Variants in ARHGEF38 observed in about 807,000 individuals in gnomAD.
ARHGEF38 encodes the protein Rho guanine nucleotide exchange factor (GEF) 38.
A neutral mutation model predicts 79.9 loss-of-function variants in ARHGEF38; 79 were observed. The ratio of observed to expected loss-of-function variants is 0.99; its 90% CI spans 0.82 to 1.19. The LOEUF (loss-of-function observed/expected upper bound fraction) is 1.19, where lower values mean the gene tolerates loss of function less well. Ranked by LOEUF, ARHGEF38 falls within the 50% of genes most tolerant of loss-of-function variation. The pLI, the probability that ARHGEF38 is intolerant of heterozygous loss-of-function variation, is 0.00. For synonymous variants in ARHGEF38, 366 were observed against 328.3 expected (o/e 1.11, Z -1.24); for missense variants, 962 against 907.2 (o/e 1.06, Z -0.78).
chr4:105,653,225 A>G (rs1027141355), intron 7 of ARHGEF38, among the ~76,000 whole-genome samples: 1 of 152,192 alleles, frequency 6.6e-6, no homozygotes. Context: ...TACATGTGAC[A>G]CTATCTTAAG....
At chr4:105,574,070 T>C (rs953735530) in intron 1 of ARHGEF38, among the ~76,000 whole-genome samples, 2 of 152,228 alleles carry the variant, frequency 1.3e-5, no homozygotes, top group Non-Finnish European at 1.5e-5. Context: ...TGACTTTATA[T>C]TCTGCTACTT....
intron 6 of ARHGEF38, among the ~76,000 whole-genome samples, chr4:105,647,356 T>A (rs1012054795): frequency 1.3e-5 from 2 of 152,212 alleles, no homozygotes; most frequent in Admixed American, 1.3e-4. Context: ...TAGTTTGTTT[T>A]TTTAAAAACT....
intron 3 of ARHGEF38, among the ~76,000 whole-genome samples, chr4:105,624,453 A>G (rs902957359): frequency 6.6e-6 from 1 of 152,148 alleles, no homozygotes; most frequent in Admixed American, 6.5e-5. Flanking sequence ...ACTTGTTTTA[A>G]TCCCATGGCT....
Position 105,565,408 on chromosome 4 carries a change from G to A in ARHGEF38, c.196+12447G>A, listed in dbSNP as rs576179541. Among the ~76,000 whole-genome samples the A allele has an allele frequency of 3.3e-5, 5 of 152,296 alleles. No individual in the cohort carries two copies. In the South Asian group the frequency reaches 8.3e-4, roughly 25 times the overall value. ...GATAAAAGATTTTACTGTGTGAAAC[G>A]TATGTTGGTAGGGCTCGACGCAATG... On this transcript the variant is annotated intron_variant, in intron 1 of 13. Coordinates refer to ENST00000420470, the MANE Select transcript of ARHGEF38 (RefSeq NM_001242729.2).
intron 2 of ARHGEF38, among the ~76,000 whole-genome samples, chr4:105,605,134 C>A (rs1727986108): frequency 6.6e-6 from 1 of 152,122 alleles, no homozygotes; most frequent in African/African-American, 2.4e-5. Flanking sequence ...TGAGTAACTT[C>A]TTTTCTGCCT....
chr4:105,572,134 G>T (rs972074132), intron 1 of ARHGEF38, among the ~76,000 whole-genome samples: 4 of 152,068 alleles, frequency 2.6e-5, no homozygotes, highest in African/African-American at 9.7e-5. Flanking sequence ...ACTCACAGAA[G>T]ACTTTTTTTT....
rs562525963 is a variant in ARHGEF38, at chr4:105,618,053, CA to C, written c.508+4551del. ...TGAAAGAAAACAATTCAAATGGAAG[CA>C]AAAAGATAATGCCTATAAAAATATT... is the stretch of plus-strand genomic sequence containing the variant. On this transcript the variant is annotated intron_variant, in intron 3 of 13. Coordinates refer to ENST00000420470, the MANE Select transcript of ARHGEF38 (RefSeq NM_001242729.2). Among the ~76,000 whole-genome samples, 668 of 151,996 alleles carry C rather than the reference CA, an allele frequency of 4.4e-3. 9 individuals are homozygous for C. The highest frequency in any genetic ancestry group is 0.015 in the African/African-American group (626 of 41,476).
chr4:105,659,514 C>T (rs547033555), intron 10 of ARHGEF38, 149 bp downstream of exon 10: 25 of 839,274 alleles, frequency 3.0e-5, no homozygotes, highest in South Asian at 1.9e-4. Flanking sequence ...CAGATAGTCT[C>T]CTGTTCCTTA....
downstream of ARHGEF38, among the ~76,000 whole-genome samples, chr4:105,681,609 GT>G (rs1731312965): frequency 6.6e-6 from 1 of 152,192 alleles, no homozygotes. Context: ...TAGCTTGCAA[GT>G]AAGACAACAA....
intron 11 of ARHGEF38, 122 bp downstream of exon 11, chr4:105,666,442 T>A: frequency 8.9e-7 from 1 of 1,127,694 alleles, no homozygotes; most frequent in Non-Finnish European, 1.2e-6. Context: ...TACATATGTG[T>A]AGAATTTCTT....
chr4:105,561,695 C>T (rs925162839), intron 1 of ARHGEF38: 1 of 151,938 alleles, frequency 6.6e-6, no homozygotes, highest in African/African-American at 2.4e-5. Flanking sequence ...TGACTAGGAC[C>T]TGTGAATTGT....
At chr4:105,567,939 C>G (rs1367165250) in intron 1 of ARHGEF38, among the ~76,000 whole-genome samples, 1 of 135,198 alleles carries the variant, frequency 7.4e-6, no homozygotes, top group Non-Finnish European at 1.6e-5. Context: ...CCCCTCCCCC[C>G]ACCCCACAAC....
intron 2 of ARHGEF38, among the ~76,000 whole-genome samples, chr4:105,590,109 AGG>A (rs1367767671): frequency 2.9e-4 from 41 of 143,070 alleles, no homozygotes; most frequent in African/African-American, 1.1e-3. Flanking sequence ...GAAGGAAGGA[AGG>A]AAGGAAGGAA....
chr4:105,618,226 G>A (rs1332553705), intron 3 of ARHGEF38, among the ~76,000 whole-genome samples: 1 of 152,116 alleles, frequency 6.6e-6, no homozygotes, highest in African/African-American at 2.4e-5. Context: ...AATTTCAGTA[G>A]TAAAATAAAT....
rs572489692 is a variant in ARHGEF38 at position 105,638,942 on chromosome 4, A to T, written c.674+2522A>T. On this transcript the variant is annotated intron_variant, in intron 5 of 13. Coordinates refer to ENST00000420470, the MANE Select transcript of ARHGEF38 (RefSeq NM_001242729.2). ...TACAATAATTTGATTTTTTGGATCA[A>T]TTTCTGAAAGTGAAATTGCTAGATC... Among the ~76,000 whole-genome samples, 288 of 152,010 alleles carry T rather than the reference A, an allele frequency of 1.9e-3. 1 individual carries two copies. The highest frequency in any genetic ancestry group is 3.3e-3 in the Non-Finnish European group (227 of 67,934).
In ARHGEF38 at chr4:105,552,808, A is replaced by G. The variant is rs775849401; in HGVS notation, c.43A>G (p.Lys15Glu). Residue 15 changes from lysine to glutamate, a missense_variant, in exon 1 of 14, where the codon AAG becomes GAG. Coordinates refer to ENST00000420470, the MANE Select transcript of ARHGEF38 (RefSeq NM_001242729.2). ...EATGKENMVTKKKNLAFLRSR... is the reference protein window; with the variant it reads ...EATGKENMVTEKKNLAFLRSR... ...CACTGGGAAAGAAAACATGGTCACC[A>G]AGAAAAAGAATCTGGCCTTCTTGAG... 1.9e-6 allele frequency: 3 copies of G among 1,612,438 alleles called. No individual in the cohort carries two copies. In the South Asian group the frequency reaches 3.3e-5, roughly 18 times the overall value.
In ARHGEF38 at chr4:105,677,704, T is replaced by C. The variant is rs938746378; in HGVS notation, c.2149-48T>C. On this transcript the variant is annotated intron_variant, in intron 13 of 13. Transcript: ENST00000420470. ...TTGGAAACTTTTATGATGTTTCTCTTAATATTCAGGTTCCAATTCCAATAA... is the reference window on the plus strand; with the variant it reads ...TTGGAAACTTTTATGATGTTTCTCTCAATATTCAGGTTCCAATTCCAATAA... 4 of 1,351,068 alleles carry C rather than the reference T, an allele frequency of 3.0e-6. No homozygotes were observed. In the East Asian group the frequency reaches 7.8e-5, roughly 26 times the overall value. The allele number at this position is 1,351,068 out of a possible 1,614,324, so 83.7% of individuals were successfully genotyped here. A position where few individuals can be genotyped will look rare whatever the true frequency, so the allele number is the denominator to read the frequency against.
intron 3 of ARHGEF38, among the ~76,000 whole-genome samples, chr4:105,626,488 T>G (rs1308818192): frequency 6.6e-6 from 1 of 152,176 alleles, no homozygotes; most frequent in Non-Finnish European, 1.5e-5. Flanking sequence ...AAGGAACAGA[T>G]AAGTAACTTT....
At chr4:105,646,582 G>GA (rs1729850433) in intron 6 of ARHGEF38, among the ~76,000 whole-genome samples, 1 of 152,190 alleles carries the variant, frequency 6.6e-6, no homozygotes, top group Non-Finnish European at 1.5e-5. Context: ...TAGCAAAGTT[G>GA]AAGATGCACA....
Sources: allele counts gnomAD v4.1 joint callset (sites outside exome capture counted in the v4.1 genomes callset), GRCh38; gene constraint gnomAD v4.1.1; transcripts MANE v1.5; gene names NCBI Gene and HGNC (gene_info 2026-07-23, HGNC 2026-07-21).